ARL13B: variants seen among roughly 807,000 people sequenced by gnomAD.
The protein encoded by ARL13B is ARF like GTPase 13B, also known as ADP-ribosylation factor-like protein 13B.
Under a neutral mutation model 56.1 loss-of-function variants are expected in ARL13B, and 36 were observed. That is an observed-to-expected ratio of 0.64 (90% CI 0.49 to 0.85). The LOEUF (loss-of-function observed/expected upper bound fraction) is 0.85, where lower values mean the gene tolerates loss of function less well. Among genes scored for constraint, ARL13B ranks in the 40% least tolerant of loss-of-function variants. ARL13B has a pLI of 0.00. For missense variants in ARL13B, 519 were observed against 507.1 expected (o/e 1.02, Z -0.23); for synonymous variants, 178 against 171.1 (o/e 1.04, Z -0.32).
intron 1 of ARL13B, among the ~76,000 whole-genome samples, chr3:93,984,888 T>A (rs1289428356): frequency 6.6e-6 from 1 of 151,926 alleles, no homozygotes; most frequent in Non-Finnish European, 1.5e-5. Flanking sequence ...CATGTGCCTG[T>A]AGTCCGAGCT....
At chr3:93,982,580 T>A (rs1361864598) in intron 1 of ARL13B, among the ~76,000 whole-genome samples, 3 of 152,210 alleles carry the variant, frequency 2.0e-5, no homozygotes, top group African/African-American at 7.2e-5. Flanking sequence ...TTTTACTTTT[T>A]AAAAAATGAG....
At chr3:93,982,406 G>A (rs1454307293) in intron 1 of ARL13B, among the ~76,000 whole-genome samples, 2 of 152,168 alleles carry the variant, frequency 1.3e-5, no homozygotes, top group Non-Finnish European at 2.9e-5. Context: ...TGGCTAGTCT[G>A]AATTAAGATG....
intron 3 of ARL13B, among the ~76,000 whole-genome samples, chr3:94,005,875 T>C (rs1387162698): frequency 6.6e-6 from 1 of 152,192 alleles, no homozygotes; most frequent in Non-Finnish European, 1.5e-5. Flanking sequence ...TTAATAGTTG[T>C]GCATATGTGG....
intron 7 of ARL13B, among the ~76,000 whole-genome samples, chr3:94,046,231 T>C (rs2076982375): frequency 6.6e-6 from 1 of 152,032 alleles, no homozygotes; most frequent in South Asian, 2.1e-4. Flanking sequence ...ACATAAACAT[T>C]ATCCCCAAAA....
intron 5 of ARL13B, 145 bp downstream of exon 5, chr3:94,036,899 T>C: frequency 2.0e-6 from 2 of 978,500 alleles, no homozygotes; most frequent in Non-Finnish European, 3.0e-6. Flanking sequence ...CTGTGGATCT[T>C]TTTCTGTACA....
intron 3 of ARL13B, among the ~76,000 whole-genome samples, chr3:94,034,319 G>C (rs1560002085): frequency 2.0e-5 from 3 of 152,000 alleles, no homozygotes; most frequent in Non-Finnish European, 4.4e-5. Flanking sequence ...AGATTTCTTA[G>C]TCTATGTACT....
intron 2 of ARL13B, among the ~76,000 whole-genome samples, chr3:94,003,253 T>C (rs1316765158): frequency 6.6e-6 from 1 of 152,186 alleles, no homozygotes; most frequent in African/African-American, 2.4e-5. Context: ...AACTCTTCTA[T>C]TCTCTAAGTG....
intron 3 of ARL13B, among the ~76,000 whole-genome samples, chr3:94,011,044 G>A (rs763466684): frequency 8.6e-5 from 13 of 151,930 alleles, no homozygotes; most frequent in East Asian, 1.9e-4. Context: ...GCGGAGATAC[G>A]TGAAACATCT....
intron 3 of ARL13B, among the ~76,000 whole-genome samples, chr3:94,029,761 T>G (rs1267667286): frequency 1.3e-5 from 2 of 152,052 alleles, no homozygotes; most frequent in African/African-American, 4.8e-5. Context: ...AACAAAACAC[T>G]GGAAACACAA....
chr3:93,984,092 A>C (rs1710341353), intron 1 of ARL13B, among the ~76,000 whole-genome samples: 2 of 152,242 alleles, frequency 1.3e-5, no homozygotes, highest in Non-Finnish European at 2.9e-5. Flanking sequence ...ACGGTGGCTC[A>C]CGCCTGTAGT....
intron 7 of ARL13B, among the ~76,000 whole-genome samples, chr3:94,047,173 TTTG>T (rs1347328620): frequency 6.6e-6 from 1 of 152,218 alleles, no homozygotes; most frequent in Non-Finnish European, 1.5e-5. Context: ...TGAATATGGC[TTTG>T]TTATTTATAA....
chr3:94,026,042 C>T (rs1379915526), intron 3 of ARL13B, among the ~76,000 whole-genome samples: 1 of 143,366 alleles, frequency 7.0e-6, no homozygotes, highest in Non-Finnish European at 1.5e-5. Flanking sequence ...TTTTTTGAGA[C>T]GGAGTCTCTC....
Position 93,980,303 on chromosome 3 carries a change from CT to C in ARL13B, c.-117del. The C allele has an allele frequency of 7.3e-7, 1 of 1,368,560 alleles. No individual in the cohort carries two copies. The highest frequency in any genetic ancestry group is 1.0e-6 in the Non-Finnish European group (1 of 973,730). 84.8% of individuals were successfully genotyped at this position (1,368,560 alleles called of 1,614,324 possible). A position where few individuals can be genotyped will look rare whatever the true frequency, so the allele number is the denominator to read the frequency against. ...CCGGCCGCCTTCACTTCCCTCCCGG[CT>C]TTTCCTCCCGACTTATCCACTTTAG... On this transcript the variant is annotated 5_prime_UTR_variant, in exon 1 of 10. Coordinates refer to ENST00000394222, the MANE Select transcript of ARL13B (RefSeq NM_001174150.2).
chr3:94,000,842 A>G (rs551144852), intron 2 of ARL13B, among the ~76,000 whole-genome samples: 192 of 152,274 alleles, frequency 1.3e-3, no homozygotes, highest in Non-Finnish European at 2.0e-3. Flanking sequence ...GAAATTCTCA[A>G]TTGGAGACCA....
At chr3:94,052,565 A>T (rs137925594) in intron 9 of ARL13B, among the ~76,000 whole-genome samples, 112 of 152,188 alleles carry the variant, frequency 7.4e-4, no homozygotes, top group Non-Finnish European at 9.7e-4. Flanking sequence ...GTGACAGGAG[A>T]TTAGGTTTAT....
chr3:93,980,875 A>G (rs957245279), intron 1 of ARL13B, among the ~76,000 whole-genome samples: 9 of 152,134 alleles, frequency 5.9e-5, no homozygotes, highest in African/African-American at 1.7e-4. Context: ...ATTCCATTCC[A>G]AGTCACACCT....
intron 1 of ARL13B, among the ~76,000 whole-genome samples, chr3:93,989,779 G>A (rs754948759): frequency 2.2e-4 from 33 of 152,028 alleles, no homozygotes; most frequent in South Asian, 6.2e-4. Flanking sequence ...CAAATTTGTG[G>A]CTACATTTCA....
intron 1 of ARL13B, among the ~76,000 whole-genome samples, chr3:93,988,403 TC>T (rs1325381742): frequency 1.3e-5 from 2 of 152,218 alleles, no homozygotes; most frequent in African/African-American, 4.8e-5. Context: ...AGTCAAAACT[TC>T]CTGTAATTCA....
At chr3:94,039,518 A>AAG (rs1480920731) in intron 5 of ARL13B, among the ~76,000 whole-genome samples, 2 of 151,788 alleles carry the variant, frequency 1.3e-5, no homozygotes, top group African/African-American at 4.8e-5. Context: ...AAAAAAAAAA[A>AAG]AAGAATAATT....
Sources: allele counts gnomAD v4.1 joint callset (sites outside exome capture counted in the v4.1 genomes callset), GRCh38; gene constraint gnomAD v4.1.1; transcripts MANE v1.5; gene names NCBI Gene and HGNC (gene_info 2026-07-23, HGNC 2026-07-21).